Variants in PLIN5 observed in about 807,000 individuals in gnomAD.
The protein encoded by PLIN5 is perilipin-5.
PLIN5 carries 34 observed loss-of-function variants against 32.8 expected under a neutral mutation model. That is an observed-to-expected ratio of 1.04 (90% CI 0.79 to 1.38). The LOEUF (loss-of-function observed/expected upper bound fraction) is 1.38, where lower values mean the gene tolerates loss of function less well. Ranked by LOEUF, PLIN5 falls within the 40% of genes most tolerant of loss-of-function variation. PLIN5 has a pLI of 0.00. For missense variants in PLIN5, 712 were observed against 660.5 expected (o/e 1.08, Z -0.85); for synonymous variants, 309 against 292.9 (o/e 1.05, Z -0.56).
In PLIN5 at chr19:4,523,365, A is replaced by C; in HGVS notation, c.*163T>G. 1.3e-6 allele frequency: 1 copy of C among 769,530 alleles called. No homozygotes were observed. Among genetic ancestry groups the C allele is most frequent in the Non-Finnish European group, 1.9e-6 (1 of 525,418 alleles). 47.7% of individuals were successfully genotyped at this position (769,530 alleles called of 1,614,324 possible). On this transcript the variant is annotated 3_prime_UTR_variant, in exon 8 of 8. Coordinates refer to ENST00000381848, the MANE Select transcript of PLIN5 (RefSeq NM_001013706.3). This position sits in a 1 kb window ranked among gnomAD's most constrained non-coding sequence, Gnocchi z 5.0. ...CTTTGTCCATGTGTTCAAGGAAAAA[A>C]TGGGAGAGTCCAATACCAAAAAGGT...
Position 4,533,747 on chromosome 19 carries a change from G to A in PLIN5, c.60+268C>T, listed in dbSNP as rs1976914713. On this transcript the variant is annotated intron_variant, in intron 2 of 7. Coordinates refer to ENST00000381848, the MANE Select transcript of PLIN5 (RefSeq NM_001013706.3). ...GACGTGGAGACAGAAGGATACAGGT[G>A]GAGACCCAGGGATCAAAGGAGAGGG... 19 of 558,854 alleles carry A rather than the reference G, an allele frequency of 3.4e-5. No individual in the cohort carries two copies. In the South Asian group the frequency reaches 4.7e-4, roughly 14 times the overall value. The allele number at this position is 558,854 out of a possible 1,614,324, so 34.6% of individuals were successfully genotyped here.
chr19:4,528,818 G>A (rs992856156), intron 5 of PLIN5: 39 of 397,086 alleles, frequency 9.8e-5, no homozygotes, highest in South Asian at 9.0e-5. Context: ...ACAGGCATTT[G>A]GGGGCCACCA....
rs1039676838 is a variant in PLIN5, at chr19:4,528,893, G to A, written c.520+180C>T. The A allele has an allele frequency of 1.2e-5, 7 of 605,148 alleles. No individual in the cohort carries two copies. The African/African-American group carries it at 1.3e-4, about 11-fold the overall frequency. The allele number at this position is 605,148 out of a possible 1,614,324, so 37.5% of individuals were successfully genotyped here. On this transcript the variant is annotated intron_variant, in intron 5 of 7. Coordinates refer to ENST00000381848, the MANE Select transcript of PLIN5 (RefSeq NM_001013706.3). ...GGTCTGGGTGTTCTGACTCCTGGCGGGATGCAGGTTGAGGGGCCGTGGAAG... is the reference window on the plus strand; with the variant it reads ...GGTCTGGGTGTTCTGACTCCTGGCGAGATGCAGGTTGAGGGGCCGTGGAAG...
Position 4,522,746 on chromosome 19 carries a change from G to T in PLIN5, c.*782C>A, listed in dbSNP as rs1976746181. ...CACCCAGGCGAGAGCGCAGGGGCAA[G>T]ATCATGGCTCACTGCAGCCTCCAAC... On this transcript the variant is annotated 3_prime_UTR_variant, in exon 8 of 8. Coordinates refer to ENST00000381848, the MANE Select transcript of PLIN5 (RefSeq NM_001013706.3). 6.6e-6 allele frequency: 1 copy of T among 152,140 alleles called. No homozygotes were observed. Among genetic ancestry groups the T allele is most frequent in the South Asian group, 2.0e-4 (1 of 4,894 alleles). 9.4% of individuals were successfully genotyped at this position (152,140 alleles called of 1,614,324 possible).
intron 3 of PLIN5, 44 bp from the exon 4 acceptor site, chr19:4,529,910 G>A (rs1408812186): frequency 7.7e-7 from 1 of 1,297,350 alleles, no homozygotes. Flanking sequence ...GAGACGCAGA[G>A]GGAGATAGGG....
At chr19:4,529,897 G>A (rs763719467) in intron 3 of PLIN5, 31 bp from the exon 4 acceptor site, 24 of 1,484,114 alleles carry the variant, frequency 1.6e-5, no homozygotes, top group Middle Eastern at 1.8e-4. Flanking sequence ...AGTGAGACTC[G>A]GGGAGACGCA....
In PLIN5 at chr19:4,525,559, C is replaced by G; in HGVS notation, c.720+74G>C. On this transcript the variant is annotated intron_variant, in intron 6 of 7. Transcript: ENST00000381848. The surrounding 1 kb of genome is among the most constrained non-coding windows in gnomAD (Gnocchi z 5.6). The stretch of plus-strand genomic sequence containing the variant: ...CTCCTGCTTTAGGCTAGCACGGGAT[C>G]CGGTATTCAGCTGGTGCTCAATCCA... 1.3e-6 allele frequency: 2 copies of G among 1,552,268 alleles called. No homozygotes were observed. Among genetic ancestry groups the G allele is most frequent in the Non-Finnish European group, 1.8e-6 (2 of 1,140,170 alleles).
In PLIN5 at chr19:4,534,003, G is replaced by C; in HGVS notation, c.60+12C>G. 1 of 1,611,362 alleles carries C rather than the reference G, an allele frequency of 6.2e-7. No individual in the cohort carries two copies. The highest frequency in any genetic ancestry group is 8.5e-7 in the Non-Finnish European group (1 of 1,178,820). On this transcript the variant is annotated intron_variant, in intron 2 of 7. Coordinates refer to ENST00000381848, the MANE Select transcript of PLIN5 (RefSeq NM_001013706.3). ...CCTTCTGTCCCTGCTCCATGGGAGG[G>C]GCAGCCCTCACCTGCTGGTCCTGCT...
At position 4,525,969 on chromosome 19, in the gene PLIN5, G is replaced by C; in HGVS notation, c.521-137C>G. 2 of 861,676 alleles carry C rather than the reference G, an allele frequency of 2.3e-6. No homozygotes were observed. The highest frequency in any genetic ancestry group is 1.6e-5 in the African/African-American group (1 of 64,006). The allele number at this position is 861,676 out of a possible 1,614,324, so 53.4% of individuals were successfully genotyped here. A position where few individuals can be genotyped will look rare whatever the true frequency, so the allele number is the denominator to read the frequency against. On this transcript the variant is annotated intron_variant, in intron 5 of 7. Coordinates refer to ENST00000381848, the MANE Select transcript of PLIN5 (RefSeq NM_001013706.3). This position sits in a 1 kb window ranked among gnomAD's most constrained non-coding sequence, Gnocchi z 5.6. Reference sequence around the variant, plus strand: ...CGGGGACAGCACGGGGACAGCATGGGGTCAGCACAGCCACCCACCCCCTCC... The same window carrying C: ...CGGGGACAGCACGGGGACAGCATGGCGTCAGCACAGCCACCCACCCCCTCC...
chr19:4,530,959 T>TG (rs1006581867), intron 3 of PLIN5, among the ~76,000 whole-genome samples: 1 of 151,820 alleles, frequency 6.6e-6, no homozygotes, highest in Non-Finnish European at 1.5e-5. Flanking sequence ...ATTACAGGCA[T>TG]GAGCCACCGC....
chr19:4,531,884 C>T (rs1976890651), intron 2 of PLIN5, 62 bp from the exon 3 acceptor site: 5 of 1,423,834 alleles, frequency 3.5e-6, no homozygotes, highest in South Asian at 1.5e-5. Flanking sequence ...CACACCTCAA[C>T]CTACTTCCCC....
chr19:4,526,911 T>C (rs1976810230), intron 5 of PLIN5, among the ~76,000 whole-genome samples: 1 of 146,886 alleles, frequency 6.8e-6, no homozygotes, highest in South Asian at 2.1e-4. Context: ...AAAGAGAAAA[T>C]CCACACAAGA....
At position 4,525,594 on chromosome 19, in the gene PLIN5, G is replaced by A. The variant is rs764945416; in HGVS notation, c.720+39C>T. ...GCTGGTGCTCAATCCATACTGATTG[G>A]CCTGCATCCCGGAGCAGGGGCGGGC... On this transcript the variant is annotated intron_variant, in intron 6 of 7. Coordinates refer to ENST00000381848, the MANE Select transcript of PLIN5 (RefSeq NM_001013706.3). This position sits in a 1 kb window ranked among gnomAD's most constrained non-coding sequence, Gnocchi z 5.6. 12 of 1,603,714 alleles carry A rather than the reference G, an allele frequency of 7.5e-6. No individual in the cohort carries two copies. Among genetic ancestry groups the A allele is most frequent in the Non-Finnish European group, 1.0e-5 (12 of 1,176,928 alleles).
intron 3 of PLIN5, among the ~76,000 whole-genome samples, chr19:4,531,014 T>A (rs541536359): frequency 3.4e-4 from 50 of 148,184 alleles, no homozygotes; most frequent in African/African-American, 1.2e-3. Flanking sequence ...TGCTTTTTTT[T>A]TTTTGAAATG....
Position 4,531,687 on chromosome 19 carries a change from C to G in PLIN5, c.196G>C (p.Gly66Arg). 1.3e-6 allele frequency: 2 copies of G among 1,554,474 alleles called. No individual in the cohort carries two copies. Among genetic ancestry groups the G allele is most frequent in the Middle Eastern group, 2.2e-4 (1 of 4,484 alleles). ...ACRLAENCVC[G>R]LTTRALDHAQ... The stretch of plus-strand genomic sequence containing the variant: ...TGGTCCAGGGCACGGGTGGTCAGGC[C>G]GCACACGCAGTTCTCAGCCAGGCGG... The change falls in exon 3 of 8, where the codon GGC becomes CGC. Residue 66 changes from glycine to arginine, a missense_variant. Gly to Arg is a moderately radical substitution (Grantham distance 125). Transcript: ENST00000381848.
chr19:4,526,601 G>A (rs574479285), intron 5 of PLIN5, among the ~76,000 whole-genome samples: 18 of 152,186 alleles, frequency 1.2e-4, no homozygotes, highest in Non-Finnish European at 2.5e-4. Context: ...AGCACTTTGG[G>A]AGGCCGAGAT....
chr19:4,528,808 A>C (rs1034474831), intron 5 of PLIN5: 1 of 386,906 alleles, frequency 2.6e-6, no homozygotes, highest in Non-Finnish European at 4.6e-6. Flanking sequence ...AACACGCTGC[A>C]CAGGCATTTG....
intron 2 of PLIN5, 129 bp from the exon 3 acceptor site, chr19:4,531,951 C>A: frequency 3.3e-6 from 3 of 904,470 alleles, no homozygotes; most frequent in Non-Finnish European, 4.7e-6. Context: ...GAGCACCCCG[C>A]CACGTAGAGG....
At chr19:4,529,485 CAT>C (rs1425751135) in intron 4 of PLIN5, 1 of 548,114 alleles carries the variant, frequency 1.8e-6, no homozygotes, top group African/African-American at 1.9e-5. Context: ...CATATATACA[CAT>C]ATACACACAT....
Sources: allele counts gnomAD v4.1 joint callset (sites outside exome capture counted in the v4.1 genomes callset), GRCh38; gene constraint gnomAD v4.1.1; non-coding constraint Gnocchi (gnomAD v3.1); transcripts MANE v1.5; gene names NCBI Gene and HGNC (gene_info 2026-07-23, HGNC 2026-07-21).